The following PTPRF variants were observed in gnomAD, a reference collection of about 807,000 sequenced individuals.
PTPRF encodes receptor-type tyrosine-protein phosphatase F.
A neutral mutation model predicts 201.8 loss-of-function variants in PTPRF; 59 were observed. That is an observed-to-expected ratio of 0.29 (90% CI 0.24 to 0.36). PTPRF has a LOEUF of 0.36. Among genes scored for constraint, PTPRF ranks in the 10% least tolerant of loss-of-function variants. The pLI is 1.00. For synonymous variants in PTPRF, 1,088 were observed against 1,089.7 expected, an observed-to-expected ratio of 1.00 and a Z score of 0.03; for missense variants, 2,132 against 2,690.5, an observed-to-expected ratio of 0.79 and a Z score of 4.59.
rs764478024 is a variant in PTPRF, at chr1:43,605,435, G to A, written c.3381G>A (p.Ser1127=). 3.1e-6 allele frequency: 5 copies of A among 1,608,774 alleles called. No homozygotes were observed. The highest frequency in any genetic ancestry group is 3.4e-6 in the Non-Finnish European group (4 of 1,175,712). The change falls in exon 18 of 34, where the codon TCG becomes TCA. Residue 1127 remains serine (S), a synonymous_variant. Transcript: ENST00000359947. The part of the protein sequence containing the change: ...DLSMPHVQDP[S]LVRWFYIVVV... The stretch of plus-strand genomic sequence containing the variant: ...CCATGCCCCATGTGCAAGACCCCTC[G>A]CTTGTCAGGTGTGCACACGAGGTAT...
In PTPRF at chr1:43,569,785, AGAG is replaced by A; in HGVS notation, c.568+9_568+11del. 1 of 1,605,064 alleles carries A rather than the reference AGAG, an allele frequency of 6.2e-7. No individual in the cohort carries two copies. The highest frequency in any genetic ancestry group is 8.5e-7 in the Non-Finnish European group (1 of 1,174,328). Reference sequence around the variant, plus strand: ...ATCAAGCAGCTGCGTTCAGGTGAGCAGAGGGCAGGGGTCAAGGGGCCATGCAGA... The same window carrying A: ...ATCAAGCAGCTGCGTTCAGGTGAGCAGGCAGGGGTCAAGGGGCCATGCAGA... On this transcript the variant is annotated splice_region_variant and intron_variant, in intron 6 of 33. Coordinates refer to ENST00000359947, the MANE Select transcript of PTPRF (RefSeq NM_002840.5).
chr1:43,543,942 G>A (rs1644501152), intron 2 of PTPRF, among the ~76,000 whole-genome samples: 6 of 152,194 alleles, frequency 3.9e-5, no homozygotes, highest in Admixed American at 3.9e-4. Context: ...TACATCCCCT[G>A]GTGCCCCCCA....
At position 43,615,002 on chromosome 1, in the gene PTPRF, G is replaced by A. The variant is rs185768059; in HGVS notation, c.4071+1287G>A. Among the ~76,000 whole-genome samples, 13 of 152,304 alleles carry A rather than the reference G, an allele frequency of 8.5e-5. No individual in the cohort carries two copies. The East Asian group carries it at 1.5e-3, about 18-fold the overall frequency. On this transcript the variant is annotated intron_variant, in intron 23 of 33. Coordinates refer to ENST00000359947, the MANE Select transcript of PTPRF (RefSeq NM_002840.5). ...AGCTGTTTCCTCAGCACCTGGCACT[G>A]GCCTCAGTAGATGGTTGGTGGACAG...
At chr1:43,563,191 A>C (rs939848791) in intron 5 of PTPRF, among the ~76,000 whole-genome samples, 3 of 151,480 alleles carry the variant, frequency 2.0e-5, no homozygotes, top group African/African-American at 7.3e-5. Context: ...AAAAAAAAAA[A>C]AAATAAGATT....
intron 5 of PTPRF, among the ~76,000 whole-genome samples, chr1:43,568,125 G>A (rs948851617): frequency 2.0e-5 from 3 of 151,884 alleles, no homozygotes; most frequent in South Asian, 2.1e-4. Context: ...GTGAAACCCC[G>A]TCTCTACTAA....
chr1:43,614,872 A>T (rs3838478), intron 23 of PTPRF, among the ~76,000 whole-genome samples: 2 of 151,748 alleles, frequency 1.3e-5, no homozygotes, highest in Non-Finnish European at 2.9e-5. Context: ...AAATAAAAAA[A>T]ACTCTTAAAA....
In PTPRF at chr1:43,619,020, G is replaced by A. The variant is rs373454596; in HGVS notation, c.4492-28G>A. ...GTCTATGGCAGGTAGGCTCCTAGTC[G>A]CCAGTATGTCCCCACTTTGTCCCCC... On this transcript the variant is annotated intron_variant, in intron 26 of 33. Coordinates refer to ENST00000359947, the MANE Select transcript of PTPRF (RefSeq NM_002840.5). 1,329 of 1,604,288 alleles carry A rather than the reference G, an allele frequency of 8.3e-4. 2 individuals carry two copies. Among genetic ancestry groups the A allele is most frequent in the Non-Finnish European group, 1.1e-3 (1,249 of 1,172,504 alleles).
chr1:43,583,145 C>A, intron 7 of PTPRF: 1 of 969,030 alleles, frequency 1.0e-6, no homozygotes, highest in Non-Finnish European at 1.2e-6. Flanking sequence ...CGATGGGACA[C>A]GCCTGTCAGT....
chr1:43,615,788 G>C (rs573106827), intron 23 of PTPRF, among the ~76,000 whole-genome samples: 4 of 151,860 alleles, frequency 2.6e-5, no homozygotes, highest in Non-Finnish European at 5.9e-5. Context: ...GGATGGTCTC[G>C]ATCTCCTGAC....
Position 43,553,472 on chromosome 1 carries a change from G to C in PTPRF, c.92-20G>C, listed in dbSNP as rs370286429. On this transcript the variant is annotated intron_variant, in intron 3 of 33. Coordinates refer to ENST00000359947, the MANE Select transcript of PTPRF (RefSeq NM_002840.5). The surrounding 1 kb of genome is among the most constrained non-coding windows in gnomAD (Gnocchi z 4.1). ...TATAGTGACTGTGCTGTGGTGACTT[G>C]GTGTCTCCATCTCTTCCAGGCAAAC... 3.1e-6 allele frequency: 5 copies of C among 1,611,132 alleles called. No homozygotes were observed. Among genetic ancestry groups the C allele is most frequent in the Non-Finnish European group, 4.2e-6 (5 of 1,177,774 alleles).
chr1:43,600,632 G>A (rs1050632932), intron 13 of PTPRF, among the ~76,000 whole-genome samples: 3 of 151,780 alleles, frequency 2.0e-5, no homozygotes, highest in Admixed American at 6.6e-5. Context: ...CATGCCTGAA[G>A]GAACTATGTG....
upstream of PTPRF, among the ~76,000 whole-genome samples, chr1:43,527,475 C>G (rs1312631751): frequency 6.6e-6 from 1 of 152,242 alleles, no homozygotes; most frequent in Non-Finnish European, 1.5e-5. Flanking sequence ...AGATGGCGTA[C>G]ATGCAGAGAT....
At chr1:43,545,677 G>A (rs1320800904) in intron 3 of PTPRF, among the ~76,000 whole-genome samples, 1 of 152,124 alleles carries the variant, frequency 6.6e-6, no homozygotes. Flanking sequence ...GCAGATCTGA[G>A]CCCCTCCTTC....
At chr1:43,527,082 G>A (rs1643147434), upstream of PTPRF, among the ~76,000 whole-genome samples, 1 of 152,222 alleles carries the variant, frequency 6.6e-6, no homozygotes, top group African/African-American at 2.4e-5. Context: ...ACCAAAAGGT[G>A]TATTTACGTC....
chr1:43,526,861 A>G (rs1007018001), upstream of PTPRF, among the ~76,000 whole-genome samples: 3 of 152,172 alleles, frequency 2.0e-5, no homozygotes, highest in African/African-American at 7.2e-5. Flanking sequence ...GATGTCTGCA[A>G]CAGCAGCAGC....
intron 11 of PTPRF, among the ~76,000 whole-genome samples, chr1:43,594,954 C>G (rs1471918957): frequency 6.6e-6 from 1 of 152,122 alleles, no homozygotes; most frequent in Non-Finnish European, 1.5e-5. Flanking sequence ...GAGAAAGTTT[C>G]AAGAACTAGA....
chr1:43,619,151 G>C lies in PTPRF; in HGVS notation c.4595G>C (p.Arg1532Pro). ...YPTPILAFLR[R>P]VKACNPLDAG... ...ACTCCCATCCTGGCCTTCCTACGAC[G>C]GGTCAAGGCCTGCAACCCCCTAGAC... The change falls in exon 27 of 34, where the codon CGG (arginine) becomes CCG (proline). Residue 1532 changes from arginine to proline, a missense_variant. Around this residue, in one of 6 missense-constraint regions of PTPRF, gnomAD observed 519 missense variants for 659.5 expected, o/e 0.79. Transcript: ENST00000359947. 6.2e-7 allele frequency: 1 copy of C among 1,613,752 alleles called. No individual in the cohort carries two copies. Among genetic ancestry groups the C allele is most frequent in the Non-Finnish European group, 8.5e-7 (1 of 1,179,936 alleles).
intron 7 of PTPRF, chr1:43,579,295 T>C (rs1163939362): frequency 2.2e-6 from 1 of 454,880 alleles, no homozygotes; most frequent in Admixed American, 2.4e-5. Flanking sequence ...AATGCATGCA[T>C]ACCTGGCCTG....
At chr1:43,569,341 G>C (rs1646413162) in intron 5 of PTPRF, among the ~76,000 whole-genome samples, 1 of 152,030 alleles carries the variant, frequency 6.6e-6, no homozygotes, top group Non-Finnish European at 1.5e-5. Context: ...TTCAGTCTGA[G>C]GCGTTGCCTC....
Sources: gnomAD v4.1 joint callset for allele counts (sites outside exome capture counted in the v4.1 genomes callset) on GRCh38, gnomAD v4.1.1 for gene constraint, gnomAD v4.1.1 regional missense constraint, Gnocchi (gnomAD v3.1) non-coding constraint, MANE v1.5 for transcripts, NCBI Gene and HGNC (gene_info 2026-07-23, HGNC 2026-07-21) for gene names.